DMD: variants seen among roughly 807,000 people sequenced by gnomAD.
DMD encodes the protein dystrophin.
In DMD, 63 loss-of-function variants were observed where a neutral mutation model predicts 330.1. That is an observed-to-expected ratio of 0.19 (90% CI 0.16 to 0.24). The LOEUF (loss-of-function observed/expected upper bound fraction) is 0.24, where lower values mean the gene tolerates loss of function less well. Among genes scored for constraint, DMD ranks in the 10% least tolerant of loss-of-function variants. The probability of loss-of-function intolerance (pLI) is 1.00; values close to 1 mark genes in which losing one functional copy is unlikely to be tolerated. For synonymous variants in DMD, 1,223 were observed against 959.8 expected, an observed-to-expected ratio of 1.27 and a Z score of -5.07; for missense variants, 3,344 against 2,684.1, an observed-to-expected ratio of 1.25 and a Z score of -5.43.
At chrX:33,016,269 C>T (rs989670307) in intron 2 of DMD, among the ~76,000 whole-genome samples, 49 of 111,022 alleles carry the variant, frequency 4.4e-4, no homozygotes, top group African/African-American at 1.6e-3. Context: ...TACTGAGGCT[C>T]CAGAGGAATG....
At chrX:31,421,930 TATAC>T (rs1452593120) in intron 60 of DMD, among the ~76,000 whole-genome samples, 5 of 79,405 alleles carry the variant, frequency 6.3e-5, no homozygotes, top group African/African-American at 1.5e-4. Context: ...TATATATATA[TATAC>T]ACACACACAT....
intron 47 of DMD, among the ~76,000 whole-genome samples, chrX:31,889,444 A>G (rs945940243): frequency 2.7e-5 from 3 of 110,217 alleles, no homozygotes; most frequent in Non-Finnish European, 3.8e-5. Flanking sequence ...AATAGGTGAC[A>G]TTGATTTGCT....
At chrX:32,490,639 T>C (rs1041502280) in intron 20 of DMD, among the ~76,000 whole-genome samples, 4 of 111,604 alleles carry the variant, frequency 3.6e-5, no homozygotes, top group African/African-American at 1.3e-4. Flanking sequence ...ATGCTGCTTT[T>C]ACCATGAGGA....
chrX:31,339,388 A>G (rs1165185865), intron 61 of DMD, among the ~76,000 whole-genome samples: 1 of 111,509 alleles, frequency 9.0e-6, no homozygotes, highest in Non-Finnish European at 1.9e-5. Context: ...GGGCATTATC[A>G]GCATCACTGG....
At chrX:31,575,262 C>A (rs1273851631) in intron 55 of DMD, among the ~76,000 whole-genome samples, 1 of 111,325 alleles carries the variant, frequency 9.0e-6, no homozygotes, top group African/African-American at 3.3e-5. Flanking sequence ...CATTTTTTCA[C>A]ATAAAATTGG....
chrX:31,388,166 A>AT (rs781685635), intron 60 of DMD, among the ~76,000 whole-genome samples: 48 of 104,235 alleles, frequency 4.6e-4, no homozygotes, highest in Admixed American at 1.2e-3. Context: ...AGCCCGGCTA[A>AT]TTTTTTTTTT....
At chrX:31,285,274 T>C (rs374635438) in intron 62 of DMD, among the ~76,000 whole-genome samples, 1 of 112,189 alleles carries the variant, frequency 8.9e-6, no homozygotes, top group East Asian at 2.8e-4. Flanking sequence ...AATGATATAA[T>C]AAGCAGAATG....
intron 21 of DMD, among the ~76,000 whole-genome samples, chrX:32,477,301 A>T (rs1271036550): frequency 1.1e-5 from 1 of 95,016 alleles, no homozygotes; most frequent in East Asian, 2.9e-4. Flanking sequence ...CTTGAAAAGT[A>T]AAAAAAAAAA....
intron 29 of DMD, among the ~76,000 whole-genome samples, chrX:32,433,445 A>C: frequency 8.9e-6 from 1 of 112,072 alleles, no homozygotes; most frequent in African/African-American, 3.2e-5. Context: ...TGGGAGGCCG[A>C]GGCGGGCGGA....
chrX:31,272,618 T>G (rs766040025), intron 62 of DMD, among the ~76,000 whole-genome samples: 1 of 112,539 alleles, frequency 8.9e-6, no homozygotes, highest in South Asian at 3.7e-4. Flanking sequence ...GTGAATTCAT[T>G]CTGAGGCCTC....
intron 45 of DMD, among the ~76,000 whole-genome samples, chrX:31,951,149 A>ATGTATG (rs1569521276): frequency 1.3e-5 from 1 of 74,394 alleles, no homozygotes; most frequent in African/African-American, 6.3e-5. Flanking sequence ...ATGTGTATAT[A>ATGTATG]TATATATATG....
Position 33,100,326 on chromosome X carries a change from G to C in DMD, c.32-80126C>G, listed in dbSNP as rs755169084. 1.4e-4 allele frequency among the ~76,000 whole-genome samples: 16 copies of C among 111,846 alleles called. No individual in the cohort carries two copies. The East Asian group carries it at 4.5e-3, about 31-fold the overall frequency. On this transcript the variant is annotated intron_variant, in intron 1 of 78. Transcript: ENST00000357033. ...TTAGAGAAAGGATGTTTTAGCTGTG[G>C]GTGGCTTTCCCTCTGTTTTAAAATT...
chrX:31,895,532 A>C (rs2094319826), intron 47 of DMD, among the ~76,000 whole-genome samples: 1 of 111,993 alleles, frequency 8.9e-6, no homozygotes, highest in Non-Finnish European at 1.9e-5. Flanking sequence ...GGAAGAAAAC[A>C]ATACCAGCTG....
chrX:31,457,346 GTTTA>G (rs896849679), intron 59 of DMD, among the ~76,000 whole-genome samples: 1 of 111,481 alleles, frequency 9.0e-6, no homozygotes, highest in African/African-American at 3.3e-5. Context: ...GCACAAATTT[GTTTA>G]TTCATTTATT....
chrX:32,730,113 G>A (rs987066223), intron 7 of DMD, among the ~76,000 whole-genome samples: 4 of 111,801 alleles, frequency 3.6e-5, no homozygotes, highest in East Asian at 2.8e-4. Context: ...CAGGAGGATC[G>A]CTTGAGGCCA....
intron 11 of DMD, among the ~76,000 whole-genome samples, chrX:32,635,219 T>G (rs1388488468): frequency 9.0e-6 from 1 of 111,698 alleles, no homozygotes; most frequent in African/African-American, 3.3e-5. Flanking sequence ...CTGCCATGGA[T>G]GAGGGAGAGC....
intron 62 of DMD, among the ~76,000 whole-genome samples, chrX:31,315,866 T>A (rs898564244): frequency 3.6e-5 from 4 of 112,265 alleles, no homozygotes; most frequent in Non-Finnish European, 7.5e-5. Context: ...AAGTAGGTCC[T>A]GTCCACAATG....
In DMD at chrX:31,304,960, C is replaced by T. The variant is rs144861220; in HGVS notation, c.9224+18638G>A. On this transcript the variant is annotated intron_variant, in intron 62 of 78. Transcript: ENST00000357033. ...CCCAGGCAGCTCTAGGGTTTCTACA[C>T]GGAAGAGTAGCTATCTAGTTGACAA... 3.5e-3 allele frequency among the ~76,000 whole-genome samples: 388 copies of T among 111,470 alleles called. 3 individuals are homozygous for T. The highest frequency in any genetic ancestry group is 0.012 in the African/African-American group (362 of 30,779).
Position 32,364,596 on chromosome X carries a change from C to G in DMD, c.5140G>C (p.Glu1714Gln). The change falls in exon 36 of 79, where the codon GAA becomes CAA. Residue 1714 changes from glutamate (E) to glutamine (Q), a missense_variant. Physicochemically the swap from Glu to Gln is conservative, Grantham distance 29. Coordinates refer to ENST00000357033, the MANE Select transcript of DMD (RefSeq NM_004006.3). ...ESEKKKPQQK[E>Q]DVLKRLKAEL... ...TTATTTGCTACCTTAAGCACGTCTT[C>G]TTTTTGCTGGGGTTTCTTTTTCTCT... 8.3e-7 allele frequency: 1 copy of G among 1,211,009 alleles called. No individual in the cohort carries two copies. The highest frequency in any genetic ancestry group is 1.1e-6 in the Non-Finnish European group (1 of 895,055).
Sources: allele counts gnomAD v4.1 joint callset (sites outside exome capture counted in the v4.1 genomes callset), GRCh38; gene constraint gnomAD v4.1.1; transcripts MANE v1.5; gene names NCBI Gene and HGNC (gene_info 2026-07-23, HGNC 2026-07-21).